The following C2CD2 variants were observed in gnomAD, a reference collection of about 807,000 sequenced individuals.
The protein encoded by C2CD2 is C2 calcium dependent domain containing 2.
A neutral mutation model predicts 74.3 loss-of-function variants in C2CD2; 43 were observed. The observed-to-expected ratio is 0.58, with a 90% CI of 0.45 to 0.75. C2CD2 has a LOEUF of 0.75. C2CD2 is among the 30% of genes least tolerant of loss of function. The pLI, the probability that C2CD2 is intolerant of heterozygous loss-of-function variation, is 0.00. For missense variants in C2CD2, 801 were observed against 916.3 expected (o/e 0.87, Z 1.63); for synonymous variants, 422 against 390.7 (o/e 1.08, Z -0.94).
At chr21:41,914,757 A>G (rs750620306) in intron 5 of C2CD2, 36 bp from the exon 6 acceptor site, 4 of 1,598,406 alleles carry the variant, frequency 2.5e-6, no homozygotes, top group Non-Finnish European at 3.4e-6. Flanking sequence ...TTTGGTCTTC[A>G]TGGGGAGATT....
In C2CD2 at chr21:41,945,031, C is replaced by T. The variant is rs371231277; in HGVS notation, c.280-2786G>A. On this transcript the variant is annotated intron_variant, in intron 1 of 13. Coordinates refer to ENST00000380486, the MANE Select transcript of C2CD2 (RefSeq NM_015500.2). The surrounding 1 kb of genome is among the most constrained non-coding windows in gnomAD (Gnocchi z 4.2). ...ACTGCATCTTGACTGCATATAAATG[C>T]TATAATCCAGTAAATGTGTTTCATA... is the stretch of plus-strand genomic sequence containing the variant. Among the ~76,000 whole-genome samples the T allele has an allele frequency of 6.6e-6, 1 of 152,172 alleles. No individual in the cohort carries two copies. The highest frequency in any genetic ancestry group is 6.5e-5 in the Admixed American group (1 of 15,282).
At chr21:41,915,788 T>C (rs1213867286) in intron 5 of C2CD2, among the ~76,000 whole-genome samples, 2 of 152,178 alleles carry the variant, frequency 1.3e-5, no homozygotes, top group Admixed American at 1.3e-4. Flanking sequence ...TTGTTTTAAG[T>C]TCTTTTTCTT....
In C2CD2 at chr21:41,953,702, C is replaced by T; in HGVS notation, c.-54G>A. On this transcript the variant is annotated 5_prime_UTR_variant, in exon 1 of 14. Coordinates refer to ENST00000380486, the MANE Select transcript of C2CD2 (RefSeq NM_015500.2). ...CTTCCCCGGCAGCCCCGGGCCGGAA[C>T]GGCGGACTCAGGACACGCGCTGGCT... The T allele has an allele frequency of 1.5e-6, 2 of 1,326,944 alleles. No homozygotes were observed. The highest frequency in any genetic ancestry group is 1.9e-6 in the Non-Finnish European group (2 of 1,041,630). 82.2% of individuals were successfully genotyped at this position (1,326,944 alleles called of 1,614,324 possible).
intron 2 of C2CD2, among the ~76,000 whole-genome samples, chr21:41,932,461 C>T (rs758704976): frequency 1.2e-4 from 18 of 150,536 alleles, no homozygotes; most frequent in African/African-American, 3.4e-4. Flanking sequence ...GTCAGAAGAA[C>T]GGGGGCAACC....
Position 41,926,426 on chromosome 21 carries a change from C to T in C2CD2, c.379-4341G>A, listed in dbSNP as rs929965323. On this transcript the variant is annotated intron_variant, in intron 2 of 13. Transcript: ENST00000380486. This position sits in a 1 kb window ranked among gnomAD's most constrained non-coding sequence, Gnocchi z 8.0. ...ACGGTTGGCAGGTGAGGGTTTGGGT[C>T]GGGGAGCCCTGGGCAGCAGATGGAA... is the stretch of plus-strand genomic sequence containing the variant. 48 of 982,204 alleles carry T rather than the reference C, an allele frequency of 4.9e-5. No homozygotes were observed. The highest frequency in any genetic ancestry group is 9.4e-5 in the South Asian group (2 of 21,202). The allele number at this position is 982,204 out of a possible 1,614,324, so 60.8% of individuals were successfully genotyped here.
At chr21:41,894,682 C>A (rs1419217670) in intron 13 of C2CD2, 1 of 456,644 alleles carries the variant, frequency 2.2e-6, no homozygotes, top group African/African-American at 2.0e-5. Flanking sequence ...ATGCAGGGGG[C>A]AGGGGAGGAG....
chr21:41,902,637 C>A (rs1213848637), intron 11 of C2CD2, among the ~76,000 whole-genome samples: 12 of 152,234 alleles, frequency 7.9e-5, no homozygotes, highest in Admixed American at 3.9e-4. Flanking sequence ...AAAGGAACTT[C>A]TGTCTCGGTT....
chr21:41,901,433 T>C (rs570859366), intron 12 of C2CD2, 189 bp downstream of exon 12: 3 of 655,652 alleles, frequency 4.6e-6, no homozygotes, highest in Admixed American at 2.3e-5. Context: ...CCTTGGTGAA[T>C]AGGATAAACT....
intron 1 of C2CD2, 86 bp from the exon 2 acceptor site, chr21:41,942,331 T>C (rs2065361719): frequency 2.8e-6 from 3 of 1,062,008 alleles, no homozygotes; most frequent in Non-Finnish European, 4.2e-6. Context: ...TTCTGAAAAA[T>C]TAAGAAAATG....
chr21:41,897,037 T>C (rs1402339417), intron 13 of C2CD2, among the ~76,000 whole-genome samples: 2 of 152,200 alleles, frequency 1.3e-5, no homozygotes, highest in African/African-American at 2.4e-5. Flanking sequence ...GAGCCTGCGT[T>C]GCAGGTGGCC....
Position 41,912,443 on chromosome 21 carries a change from G to C in C2CD2, c.845-3C>G. ...GACGCACACTGCATTAATGTGGCCT[G>C]TAATTAAATAGAAGGGCATCGTGTT... On this transcript the variant is annotated splice_region_variant and splice_polypyrimidine_tract_variant and intron_variant, in intron 6 of 13. Coordinates refer to ENST00000380486, the MANE Select transcript of C2CD2 (RefSeq NM_015500.2). 6.4e-7 allele frequency: 1 copy of C among 1,555,140 alleles called. No individual in the cohort carries two copies.
In C2CD2 at chr21:41,893,134, C is replaced by T. The variant is rs115819396; in HGVS notation, c.1871-3790G>A. Among the ~76,000 whole-genome samples, 616 of 152,182 alleles carry T rather than the reference C, an allele frequency of 4.0e-3. 4 individuals are homozygous for T. Among genetic ancestry groups the T allele is most frequent in the African/African-American group, 0.013 (547 of 41,510 alleles). ...ACTAGCCTAGGCAACACAGCAAGAC[C>T]CCATCTCTATTTTTAAAAAATAAAA... is the stretch of plus-strand genomic sequence containing the variant. On this transcript the variant is annotated intron_variant, in intron 13 of 13. Coordinates refer to ENST00000380486, the MANE Select transcript of C2CD2 (RefSeq NM_015500.2).
intron 2 of C2CD2, 24 bp from the exon 3 acceptor site, chr21:41,922,109 G>A (rs761349471): frequency 2.2e-5 from 31 of 1,396,038 alleles, no homozygotes; most frequent in Non-Finnish European, 1.0e-6. Flanking sequence ...AGGTAAGGGA[G>A]AAAACTGTAT....
chr21:41,920,475 A>T (rs2065143351), intron 3 of C2CD2, among the ~76,000 whole-genome samples: 1 of 152,206 alleles, frequency 6.6e-6, no homozygotes, highest in Non-Finnish European at 1.5e-5. Flanking sequence ...AAAAACGATG[A>T]CTTCTACTTC....
At chr21:41,951,182 C>T (rs957161936) in intron 1 of C2CD2, among the ~76,000 whole-genome samples, 1 of 152,140 alleles carries the variant, frequency 6.6e-6, no homozygotes, top group African/African-American at 2.4e-5. Flanking sequence ...ATGCAAACAC[C>T]ACTACCTGCT....
Position 41,953,758 on chromosome 21 carries a change from G to A in C2CD2, c.-110C>T. ...CACAGCGCGCTGGGGGCGTGGAGGG[G>A]GCGCGGCGGGGTCGGAGCCCGGCGA... is the stretch of plus-strand genomic sequence containing the variant. On this transcript the variant is annotated 5_prime_UTR_variant, in exon 1 of 14. Transcript: ENST00000380486. 1 of 1,051,530 alleles carries A rather than the reference G, an allele frequency of 9.5e-7. No individual in the cohort carries two copies. The highest frequency in any genetic ancestry group is 1.7e-5 in the African/African-American group (1 of 60,362). The allele number at this position is 1,051,530 out of a possible 1,614,324, so 65.1% of individuals were successfully genotyped here.
rs772849184 is a variant in C2CD2 at position 41,907,746 on chromosome 21, TA to T, written c.1056del (p.Phe352LeufsTer13). 1 of 1,613,800 alleles carries T rather than the reference TA, an allele frequency of 6.2e-7. No homozygotes were observed. Among genetic ancestry groups the T allele is most frequent in the Non-Finnish European group, 8.5e-7 (1 of 1,179,922 alleles). ...CTCTGTGGCCCAGAAGGCTGCTTCT[TA>T]AATAAGTCCAGAGGAACTGTCGCCG... is the stretch of plus-strand genomic sequence containing the variant. ...LATATVPLDLFKKQPSGPQSF... is the reference protein window; with the variant it reads ...LATATVPLDLXKKQPSGPQSF... On this transcript the variant is annotated frameshift_variant, in exon 9 of 14. Transcript: ENST00000380486. LOFTEE classifies it high-confidence loss of function.
chr21:41,909,860 A>G (rs1555901586), intron 7 of C2CD2, among the ~76,000 whole-genome samples: 1 of 152,098 alleles, frequency 6.6e-6, no homozygotes, highest in Non-Finnish European at 1.5e-5. Flanking sequence ...AATTTCCATT[A>G]ATTTAATTTA....
chr21:41,922,443 G>A (rs2146200490), intron 2 of C2CD2, among the ~76,000 whole-genome samples: 1 of 150,212 alleles, frequency 6.7e-6, no homozygotes, highest in East Asian at 2.0e-4. Context: ...GGGATTGCAG[G>A]CATGAGCCAC....
Sources: allele counts gnomAD v4.1 joint callset (sites outside exome capture counted in the v4.1 genomes callset), GRCh38; gene constraint gnomAD v4.1.1; non-coding constraint Gnocchi (gnomAD v3.1); transcripts MANE v1.5; gene names NCBI Gene and HGNC (gene_info 2026-07-23, HGNC 2026-07-21).